Variants in C14orf132 observed in about 807,000 individuals in gnomAD.
C14orf132 encodes chromosome 14 open reading frame 132.
In C14orf132, 6 loss-of-function variants were observed where a neutral mutation model predicts 5.8. The ratio of observed to expected loss-of-function variants is 1.03; its 90% CI spans 0.57 to 2.04. The LOEUF is 2.04. Among genes scored for constraint, C14orf132 ranks in the 30% most tolerant of loss-of-function variants. The pLI is 0.00. For missense variants in C14orf132, 125 were observed against 115.8 expected (o/e 1.08, Z -0.37); for synonymous variants, 51 against 49.8 (o/e 1.02, Z -0.10).
At chr14:96,083,159 G>C (rs552363575) in intron 1 of C14orf132, among the ~76,000 whole-genome samples, 1 of 152,354 alleles carries the variant, frequency 6.6e-6, no homozygotes, top group South Asian at 2.1e-4. Context: ...CCTGTGGGGA[G>C]CCCTTCTGCT....
chr14:96,072,433 C>CACA (rs1887741857), intron 1 of C14orf132, among the ~76,000 whole-genome samples: 1 of 152,190 alleles, frequency 6.6e-6, no homozygotes, highest in Non-Finnish European at 1.5e-5. Context: ...TGGTGAACGC[C>CACA]GGGCTTGCCA....
At chr14:96,046,143 A>T (rs1886827053) in intron 1 of C14orf132, among the ~76,000 whole-genome samples, 1 of 152,192 alleles carries the variant, frequency 6.6e-6, no homozygotes, top group Non-Finnish European at 1.5e-5. Flanking sequence ...CCTGCCTAGA[A>T]GTCCCAGAAT....
intron 1 of C14orf132, among the ~76,000 whole-genome samples, chr14:96,055,978 C>T (rs556350838): frequency 2.0e-4 from 31 of 152,272 alleles, no homozygotes; most frequent in African/African-American, 7.2e-4. Context: ...AGCTTAGCCT[C>T]AGTGTCCTTT....
intron 1 of C14orf132, among the ~76,000 whole-genome samples, chr14:96,057,952 C>G (rs1887229721): frequency 6.6e-6 from 1 of 152,222 alleles, no homozygotes; most frequent in South Asian, 2.1e-4. Flanking sequence ...ATAACCATAA[C>G]TGACCATACT....
chr14:96,067,349 C>A (rs548177647), intron 1 of C14orf132, among the ~76,000 whole-genome samples: 1 of 152,080 alleles, frequency 6.6e-6, no homozygotes, highest in East Asian at 1.9e-4. Context: ...TGGGTGGGAC[C>A]CCTTTTGAAA....
In C14orf132 at chr14:96,065,271, A is replaced by C. The variant is rs532403437; in HGVS notation, c.28-21240A>C. ...CCCTGAGAGCTACATTGGTTGGAGG[A>C]GACTATAGCATTTTAGAACGTCCTC... is the stretch of plus-strand genomic sequence containing the variant. On this transcript the variant is annotated intron_variant, in intron 1 of 1. Coordinates refer to ENST00000555004, the MANE Select transcript of C14orf132 (RefSeq NM_001252507.3). 4.8e-4 allele frequency among the ~76,000 whole-genome samples: 73 copies of C among 152,190 alleles called. 2 individuals are homozygous for C. In the South Asian group the frequency reaches 0.013, roughly 28 times the overall value.
intron 1 of C14orf132, among the ~76,000 whole-genome samples, chr14:96,049,068 G>A (rs934405314): frequency 6.6e-6 from 1 of 151,982 alleles, no homozygotes; most frequent in Non-Finnish European, 1.5e-5. Context: ...GGGATTTCAG[G>A]TGCCCACCAC....
chr14:96,085,899 C>A (rs762533997), intron 1 of C14orf132, among the ~76,000 whole-genome samples: 1 of 151,900 alleles, frequency 6.6e-6, no homozygotes, highest in Non-Finnish European at 1.5e-5. Flanking sequence ...TTTTGATGGC[C>A]ATTTTGAAAC....
At chr14:96,071,902 T>A (rs917651025) in intron 1 of C14orf132, among the ~76,000 whole-genome samples, 1 of 152,222 alleles carries the variant, frequency 6.6e-6, no homozygotes, top group Non-Finnish European at 1.5e-5. Context: ...ATCAATCAGC[T>A]TGAGCTTCAG....
intron 1 of C14orf132, among the ~76,000 whole-genome samples, chr14:96,070,469 G>T (rs1377934561): frequency 6.6e-6 from 1 of 152,090 alleles, no homozygotes; most frequent in Non-Finnish European, 1.5e-5. Flanking sequence ...CTGGAGCCAG[G>T]TTTGTAGAAA....
rs554858875 is a variant in C14orf132, at chr14:96,090,941, T to C, written c.*4206T>C. 1.1e-3 allele frequency: 501 copies of C among 456,142 alleles called. No homozygotes were observed. The highest frequency in any genetic ancestry group is 1.9e-3 in the Non-Finnish European group (442 of 226,814). The allele number at this position is 456,142 out of a possible 1,614,324, so 28.3% of individuals were successfully genotyped here. A position where few individuals can be genotyped will look rare whatever the true frequency, so the allele number is the denominator to read the frequency against. On this transcript the variant is annotated 3_prime_UTR_variant, in exon 2 of 2. Coordinates refer to ENST00000555004, the MANE Select transcript of C14orf132 (RefSeq NM_001252507.3). ...TCTGCCTTCATTATTAGCAGTAATA[T>C]TATTCCCAGTTATTATTCTTACCGG...
chr14:96,080,316 T>C (rs1887991499), intron 1 of C14orf132, among the ~76,000 whole-genome samples: 1 of 152,142 alleles, frequency 6.6e-6, no homozygotes, highest in Non-Finnish European at 1.5e-5. Context: ...GGGACATGGT[T>C]GTCTTTACCC....
intron 1 of C14orf132, among the ~76,000 whole-genome samples, chr14:96,081,027 T>C (rs1888017718): frequency 6.6e-6 from 1 of 152,222 alleles, no homozygotes; most frequent in Admixed American, 6.5e-5. Flanking sequence ...TATTTCATCA[T>C]GTTTGCCTTG....
intron 1 of C14orf132, among the ~76,000 whole-genome samples, chr14:96,064,184 C>A (rs539301370): frequency 1.3e-5 from 2 of 152,108 alleles, no homozygotes; most frequent in East Asian, 3.9e-4. Flanking sequence ...AAAAGTAGAA[C>A]TACCATTTGA....
chr14:96,045,504 A>G (rs1886808207), intron 1 of C14orf132, among the ~76,000 whole-genome samples: 3 of 152,058 alleles, frequency 2.0e-5, no homozygotes, highest in Admixed American at 2.0e-4. Flanking sequence ...GACCTCATGG[A>G]GTGGAGTTGG....
At chr14:96,071,645 G>A (rs1477147271) in intron 1 of C14orf132, among the ~76,000 whole-genome samples, 1 of 152,204 alleles carries the variant, frequency 6.6e-6, no homozygotes, top group Non-Finnish European at 1.5e-5. Context: ...TCTCCTGAAG[G>A]GGTTCAGATG....
intron 1 of C14orf132, among the ~76,000 whole-genome samples, chr14:96,082,476 C>T (rs1232587164): frequency 6.6e-6 from 1 of 152,152 alleles, no homozygotes; most frequent in Non-Finnish European, 1.5e-5. Flanking sequence ...TCTAACTCAG[C>T]ACTTTCCATT....
intron 1 of C14orf132, among the ~76,000 whole-genome samples, chr14:96,067,579 A>G (rs1237526045): frequency 1.3e-5 from 2 of 151,922 alleles, no homozygotes; most frequent in Admixed American, 6.6e-5. Flanking sequence ...GGCACCTATA[A>G]TCCCAGCTAC....
intron 1 of C14orf132, among the ~76,000 whole-genome samples, chr14:96,081,561 C>A (rs561289869): frequency 2.0e-5 from 3 of 152,292 alleles, no homozygotes; most frequent in African/African-American, 7.2e-5. Context: ...AAAGCGTAGG[C>A]AGAAAATACA....
Sources: gnomAD v4.1 joint callset for allele counts (sites outside exome capture counted in the v4.1 genomes callset) on GRCh38, gnomAD v4.1.1 for gene constraint, MANE v1.5 for transcripts, NCBI Gene and HGNC (gene_info 2026-07-23, HGNC 2026-07-21) for gene names.